FILIP1: variants seen among roughly 807,000 people sequenced by gnomAD.
FILIP1 encodes the protein filamin A interacting protein 1, also known as filamin-A-interacting protein 1.
Under a neutral mutation model 102.1 loss-of-function variants are expected in FILIP1, and 61 were observed. The ratio of observed to expected loss-of-function variants is 0.60; its 90% CI spans 0.49 to 0.74. The LOEUF (loss-of-function observed/expected upper bound fraction) is 0.74. Ranked by LOEUF, FILIP1 falls within the 30% of genes least tolerant of loss-of-function variation. The pLI, the probability that FILIP1 is intolerant of heterozygous loss-of-function variation, is 0.00. For synonymous variants in FILIP1, 491 were observed against 526.9 expected (o/e 0.93, Z 0.93); for missense variants, 1,314 against 1,441.2 (o/e 0.91, Z 1.43).
chr6:75,390,389 C>A (rs571858547), intron 2 of FILIP1, among the ~76,000 whole-genome samples: 1 of 152,260 alleles, frequency 6.6e-6, no homozygotes, highest in African/African-American at 2.4e-5. Context: ...AAAGAAATAT[C>A]TGAGACTGGG....
intron 4 of FILIP1, among the ~76,000 whole-genome samples, chr6:75,324,675 T>G (rs1236644921): frequency 6.6e-6 from 1 of 152,196 alleles, no homozygotes; most frequent in African/African-American, 2.4e-5. Flanking sequence ...ATCAATTACC[T>G]GATTTCAAAC....
intron 1 of FILIP1, chr6:75,465,460 T>C: frequency 1.0e-6 from 1 of 959,308 alleles, no homozygotes; most frequent in South Asian, 1.4e-5. Flanking sequence ...GCTAGCAAAA[T>C]GGCAGAATTC....
intron 2 of FILIP1, among the ~76,000 whole-genome samples, chr6:75,398,299 G>T (rs1333032825): frequency 6.6e-6 from 1 of 152,120 alleles, no homozygotes; most frequent in Non-Finnish European, 1.5e-5. Flanking sequence ...GGTCTATGAC[G>T]GGTTGACATA....
At chr6:75,431,348 C>G (rs1227780852) in intron 1 of FILIP1, among the ~76,000 whole-genome samples, 1 of 152,112 alleles carries the variant, frequency 6.6e-6, no homozygotes, top group African/African-American at 2.4e-5. Context: ...TAATTTAATA[C>G]TATCTTCTTA....
intron 4 of FILIP1, chr6:75,319,910 G>A (rs561906371): frequency 4.7e-4 from 221 of 465,372 alleles, no homozygotes; most frequent in Middle Eastern, 1.4e-3. Flanking sequence ...CTCCTCCTCC[G>A]GACAAGTTTG....
chr6:75,434,885 T>G (rs1777959194), intron 1 of FILIP1, among the ~76,000 whole-genome samples: 2 of 152,074 alleles, frequency 1.3e-5, no homozygotes, highest in African/African-American at 2.4e-5. Flanking sequence ...TTGTTGAGAG[T>G]TTTTAGCACG....
chr6:75,427,320 C>T (rs976383372), intron 1 of FILIP1, among the ~76,000 whole-genome samples: 1 of 152,140 alleles, frequency 6.6e-6, no homozygotes, highest in African/African-American at 2.4e-5. Flanking sequence ...GTGCCCCTGA[C>T]TTTTACATGT....
Position 75,313,174 on chromosome 6 carries a change from T to C in FILIP1, c.2658A>G (p.Lys886=), listed in dbSNP as rs372347173. 41 of 1,614,082 alleles carry C rather than the reference T, an allele frequency of 2.5e-5. No individual in the cohort carries two copies. In the African/African-American group the frequency reaches 4.7e-4, roughly 18 times the overall value. ...CTGGACTGGAATTTGTTCGGGGCCCTTTCTCCTGAGTGATGGAGGGGCCGT... is the reference window on the plus strand; with the variant it reads ...CTGGACTGGAATTTGTTCGGGGCCCCTTCTCCTGAGTGATGGAGGGGCCGT... ...RENGPSITQE[K]GPRTNSSPGH... Residue 886 remains lysine (K), a synonymous_variant, in exon 5 of 6, where the codon AAA becomes AAG. Coordinates refer to ENST00000237172, the MANE Select transcript of FILIP1 (RefSeq NM_015687.5). The surrounding 1 kb of genome is among the most constrained non-coding windows in gnomAD (Gnocchi z 4.2).
intron 1 of FILIP1, chr6:75,455,442 T>C (rs1012737130): frequency 1.3e-5 from 2 of 152,078 alleles, no homozygotes; most frequent in Non-Finnish European, 2.9e-5. Context: ...CAAACATCAG[T>C]GCTAGTTGGG....
intron 1 of FILIP1, among the ~76,000 whole-genome samples, chr6:75,417,465 G>A (rs1437661478): frequency 6.6e-6 from 1 of 152,152 alleles, no homozygotes; most frequent in Non-Finnish European, 1.5e-5. Flanking sequence ...AACTAAGTCT[G>A]CTATAAATAA....
intron 6 of FILIP1, among the ~76,000 whole-genome samples, chr6:75,301,419 G>C (rs887063955): frequency 2.6e-5 from 4 of 152,130 alleles, no homozygotes; most frequent in Non-Finnish European, 5.9e-5. Context: ...TCATTAATAA[G>C]ATGCTTAGAC....
At position 75,308,682 on chromosome 6, in the gene FILIP1, C is replaced by A; in HGVS notation, c.*9G>T. The A allele has an allele frequency of 2.5e-6, 4 of 1,612,436 alleles. No homozygotes were observed. Among genetic ancestry groups the A allele is most frequent in the Non-Finnish European group, 3.4e-6 (4 of 1,179,990 alleles). On this transcript the variant is annotated 3_prime_UTR_variant, in exon 6 of 6. Transcript: ENST00000237172. ...GCATCTGCACAACATACCCCCTTAG[C>A]CACTGCCCTCAGCCCTTCCCCCCTC... is the stretch of plus-strand genomic sequence containing the variant.
intron 2 of FILIP1, chr6:75,367,637 C>T (rs1338091053): frequency 6.6e-6 from 1 of 152,096 alleles, no homozygotes; most frequent in African/African-American, 2.4e-5. Flanking sequence ...CAGAGGGAGA[C>T]TCTGTCTCAA....
Position 75,308,405 on chromosome 6 carries a change from AC to A in FILIP1, c.*285del. ...GTCCCCACATCTAACTGATGAGGAA[AC>A]AGGCTCAGATGGGTCTATTGATGGG... On this transcript the variant is annotated 3_prime_UTR_variant, in exon 6 of 6. Transcript: ENST00000237172. 8.7e-7 allele frequency: 1 copy of A among 1,153,620 alleles called. No individual in the cohort carries two copies. The allele number at this position is 1,153,620 out of a possible 1,614,324, so 71.5% of individuals were successfully genotyped here.
intron 4 of FILIP1, among the ~76,000 whole-genome samples, chr6:75,328,962 T>C (rs971683406): frequency 1.3e-5 from 2 of 152,216 alleles, no homozygotes; most frequent in Non-Finnish European, 2.9e-5. Flanking sequence ...TTATATAATT[T>C]AGTTTGTTAG....
chr6:75,438,053 A>T (rs1029590444), intron 1 of FILIP1, among the ~76,000 whole-genome samples: 2 of 152,244 alleles, frequency 1.3e-5, no homozygotes, highest in African/African-American at 2.4e-5. Context: ...TCTCTGTTAC[A>T]TTCCATTATG....
chr6:75,313,171 C>T lies in FILIP1; in HGVS notation c.2661G>A (p.Gly887=). The T allele has an allele frequency of 6.2e-7, 1 of 1,614,116 alleles. No individual in the cohort carries two copies. The highest frequency in any genetic ancestry group is 8.5e-7 in the Non-Finnish European group (1 of 1,180,028). ...ENGPSITQEK[G]PRTNSSPGHP... ...GCCCTGGACTGGAATTTGTTCGGGG[C>T]CCTTTCTCCTGAGTGATGGAGGGGC... The change falls in exon 5 of 6, where the codon GGG becomes GGA. Residue 887 remains glycine (G), a synonymous_variant. Transcript: ENST00000237172. This position sits in a 1 kb window ranked among gnomAD's most constrained non-coding sequence, Gnocchi z 4.2.
At chr6:75,427,045 T>C (rs1438200828) in intron 1 of FILIP1, among the ~76,000 whole-genome samples, 1 of 151,990 alleles carries the variant, frequency 6.6e-6, no homozygotes, top group Non-Finnish European at 1.5e-5. Context: ...CCAACACTGA[T>C]GTTCAGTGTT....
chr6:75,427,700 T>C (rs1006701818), intron 1 of FILIP1, among the ~76,000 whole-genome samples: 2 of 152,136 alleles, frequency 1.3e-5, no homozygotes, highest in African/African-American at 4.8e-5. Flanking sequence ...TTCTATGCTT[T>C]CTCTAAAATT....
Sources: gnomAD v4.1 joint callset for allele counts (sites outside exome capture counted in the v4.1 genomes callset) on GRCh38, gnomAD v4.1.1 for gene constraint, Gnocchi (gnomAD v3.1) non-coding constraint, MANE v1.5 for transcripts, NCBI Gene and HGNC (gene_info 2026-07-23, HGNC 2026-07-21) for gene names.